The following NDUFAF2 variants were observed in gnomAD, a reference collection of about 807,000 sequenced individuals.
The protein encoded by NDUFAF2 is NADH:ubiquinone oxidoreductase complex assembly factor 2, also known as NADH dehydrogenase [ubiquinone] 1 alpha subcomplex assembly factor 2.
NDUFAF2 carries 13 observed loss-of-function variants against 22.8 expected under a neutral mutation model. The observed-to-expected ratio is 0.57, with a 90% CI of 0.37 to 0.91. The LOEUF is 0.91. NDUFAF2 is among the 40% of genes least tolerant of loss of function. The pLI is 0.01. For synonymous variants in NDUFAF2, 53 were observed against 64.2 expected (o/e 0.83, Z 0.84); for missense variants, 162 against 195.2 (o/e 0.83, Z 1.01).
intron 1 of NDUFAF2, among the ~76,000 whole-genome samples, chr5:61,053,517 A>T (rs563491981): frequency 6.6e-6 from 1 of 152,200 alleles, no homozygotes; most frequent in Non-Finnish European, 1.5e-5. Context: ...AGAAGCTGAG[A>T]AAGTATCTTT....
intron 1 of NDUFAF2, among the ~76,000 whole-genome samples, chr5:61,017,306 A>G (rs1222009880): frequency 6.6e-6 from 1 of 152,182 alleles, no homozygotes; most frequent in Non-Finnish European, 1.5e-5. Context: ...TTCTGTATTA[A>G]TCTAAATTTA....
At chr5:61,095,934 C>T (rs911354818) in intron 2 of NDUFAF2, among the ~76,000 whole-genome samples, 15 of 152,092 alleles carry the variant, frequency 9.9e-5, no homozygotes, top group African/African-American at 3.1e-4. Context: ...TATATTTACT[C>T]GCCCCTTTGG....
chr5:61,110,580 T>G, intron 3 of NDUFAF2, among the ~76,000 whole-genome samples: 2 of 152,192 alleles, frequency 1.3e-5, no homozygotes, highest in South Asian at 4.2e-4. Context: ...ATTTACCCAT[T>G]TCTTCTAGGT....
At chr5:61,135,717 A>C (rs771448529) in intron 3 of NDUFAF2, among the ~76,000 whole-genome samples, 1 of 152,082 alleles carries the variant, frequency 6.6e-6, no homozygotes, top group Non-Finnish European at 1.5e-5. Context: ...GCCAGTTTAC[A>C]TGAAATACAA....
At chr5:61,064,596 A>C (rs1227920379) in intron 1 of NDUFAF2, among the ~76,000 whole-genome samples, 13 of 152,092 alleles carry the variant, frequency 8.5e-5, no homozygotes, top group Non-Finnish European at 1.6e-4. Flanking sequence ...AAAATTAACA[A>C]ATATGTGGAA....
chr5:61,001,308 A>G (rs1751292262), intron 1 of NDUFAF2, among the ~76,000 whole-genome samples: 1 of 152,110 alleles, frequency 6.6e-6, no homozygotes, highest in Non-Finnish European at 1.5e-5. Flanking sequence ...TGAGCTCTTC[A>G]CTATTTCACA....
intron 1 of NDUFAF2, among the ~76,000 whole-genome samples, chr5:60,982,834 A>G (rs898350072): frequency 5.9e-5 from 9 of 152,002 alleles, no homozygotes; most frequent in Admixed American, 5.2e-4. Flanking sequence ...AGTCTTTGCT[A>G]TTGTGAATAG....
chr5:61,104,808 G>A (rs1465853742), intron 3 of NDUFAF2, among the ~76,000 whole-genome samples: 1 of 151,982 alleles, frequency 6.6e-6, no homozygotes, highest in African/African-American at 2.4e-5. Flanking sequence ...TATGACATTG[G>A]AATAAGGGGA....
intron 1 of NDUFAF2, among the ~76,000 whole-genome samples, chr5:60,952,701 A>G (rs895655396): frequency 2.0e-5 from 3 of 152,122 alleles, no homozygotes; most frequent in Non-Finnish European, 4.4e-5. Context: ...CAGTTAGCCC[A>G]AGCTGGTTGA....
rs534060694 is a variant in NDUFAF2, at chr5:61,003,731, A to G, written c.127+58349A>G. 1.1e-4 allele frequency among the ~76,000 whole-genome samples: 16 copies of G among 150,390 alleles called. No homozygotes were observed. In the South Asian group the frequency reaches 2.9e-3, roughly 28 times the overall value. On this transcript the variant is annotated intron_variant, in intron 1 of 3. Transcript: ENST00000296597. ...AGTGGCATGATCGTAGCTCACTGCAACCTCAAACTCCTGGTCTCAAGTGAT... is the reference window on the plus strand; with the variant it reads ...AGTGGCATGATCGTAGCTCACTGCAGCCTCAAACTCCTGGTCTCAAGTGAT...
rs186808501 is a variant in NDUFAF2, at chr5:61,007,053, C to T, written c.127+61671C>T. Among the ~76,000 whole-genome samples, 603 of 152,112 alleles carry T rather than the reference C, an allele frequency of 4.0e-3. 5 individuals carry two copies. The highest frequency in any genetic ancestry group is 5.6e-3 in the Non-Finnish European group (378 of 67,994). ...ATGGGTAGGTTGCAAAAATTTTCTC[C>T]CATTTTGTAGATTGCCTGTTCATTC... is the stretch of plus-strand genomic sequence containing the variant. On this transcript the variant is annotated intron_variant, in intron 1 of 3. Coordinates refer to ENST00000296597, the MANE Select transcript of NDUFAF2 (RefSeq NM_174889.5).
intron 3 of NDUFAF2, among the ~76,000 whole-genome samples, chr5:61,130,499 G>C (rs1376672708): frequency 1.3e-5 from 2 of 152,066 alleles, no homozygotes. Flanking sequence ...TATATAACTT[G>C]CCTGACTCAC....
At chr5:61,070,067 T>A (rs1174698287) in intron 1 of NDUFAF2, among the ~76,000 whole-genome samples, 1 of 152,140 alleles carries the variant, frequency 6.6e-6, no homozygotes, top group African/African-American at 2.4e-5. Flanking sequence ...ACTCATTGAG[T>A]CCACCAATGT....
chr5:61,007,920 A>G (rs1328327590), intron 1 of NDUFAF2, among the ~76,000 whole-genome samples: 1 of 152,156 alleles, frequency 6.6e-6, no homozygotes, highest in Non-Finnish European at 1.5e-5. Context: ...CAACAATGAT[A>G]GACTGGATTA....
At chr5:61,128,000 A>G (rs1209258371) in intron 3 of NDUFAF2, among the ~76,000 whole-genome samples, 1 of 152,212 alleles carries the variant, frequency 6.6e-6, no homozygotes, top group African/African-American at 2.4e-5. Flanking sequence ...TTATACACCA[A>G]TAACAGACAA....
At chr5:61,140,246 A>G (rs181055260) in intron 3 of NDUFAF2, among the ~76,000 whole-genome samples, 2 of 152,330 alleles carry the variant, frequency 1.3e-5, no homozygotes, top group African/African-American at 4.8e-5. Context: ...ACCTCTACAT[A>G]TTGGTGACTA....
chr5:61,047,148 T>G (rs1007484636), intron 1 of NDUFAF2, among the ~76,000 whole-genome samples: 2 of 147,138 alleles, frequency 1.4e-5, no homozygotes, highest in African/African-American at 5.5e-5. Context: ...ACCTGACTTA[T>G]GATGATTCTT....
chr5:61,019,959 G>A (rs1260545093), intron 1 of NDUFAF2, among the ~76,000 whole-genome samples: 1 of 152,120 alleles, frequency 6.6e-6, no homozygotes, highest in South Asian at 2.1e-4. Flanking sequence ...GTTTTTTACA[G>A]AAAGATTTTT....
intron 1 of NDUFAF2, among the ~76,000 whole-genome samples, chr5:60,980,552 G>T (rs774899433): frequency 1.1e-4 from 17 of 152,066 alleles, no homozygotes; most frequent in Non-Finnish European, 2.4e-4. Context: ...CAGGTGGATT[G>T]CTTGAGGTCA....
Sources: allele counts gnomAD v4.1 joint callset (sites outside exome capture counted in the v4.1 genomes callset), GRCh38; gene constraint gnomAD v4.1.1; transcripts MANE v1.5; gene names NCBI Gene and HGNC (gene_info 2026-07-23, HGNC 2026-07-21).